The following NEK5 variants were observed in gnomAD, a reference collection of about 807,000 sequenced individuals.
NEK5 encodes serine/threonine-protein kinase Nek5.
A neutral mutation model predicts 109.2 loss-of-function variants in NEK5; 88 were observed. That is an observed-to-expected ratio of 0.81 (90% CI 0.68 to 0.96). The LOEUF (loss-of-function observed/expected upper bound fraction) is 0.96. Among genes scored for constraint, NEK5 ranks in the 40% least tolerant of loss-of-function variants. The pLI is 0.00. For synonymous variants in NEK5, 283 were observed against 299.9 expected (o/e 0.94, Z 0.58); for missense variants, 834 against 920.7 (o/e 0.91, Z 1.22).
intron 4 of NEK5, among the ~76,000 whole-genome samples, chr13:52,117,274 A>C (rs1314819699): frequency 1.3e-5 from 2 of 152,144 alleles, no homozygotes; most frequent in Admixed American, 1.3e-4. Context: ...ATGATCAGAG[A>C]TAAGCGATTT....
chr13:52,085,821 C>T (rs1170721382), intron 16 of NEK5, among the ~76,000 whole-genome samples: 1 of 152,226 alleles, frequency 6.6e-6, no homozygotes, highest in Non-Finnish European at 1.5e-5. Flanking sequence ...ATCAGTTCAA[C>T]TGCACTCAGA....
chr13:52,081,726 A>G (rs1440267145), intron 17 of NEK5, among the ~76,000 whole-genome samples: 2 of 152,202 alleles, frequency 1.3e-5, no homozygotes, highest in Admixed American at 1.3e-4. Context: ...ACAAGATTTT[A>G]TTCACCCAAT....
Position 52,104,567 on chromosome 13 carries a change from A to C in NEK5, c.555-15T>G. 1.3e-6 allele frequency: 2 copies of C among 1,574,356 alleles called. No homozygotes were observed. Among genetic ancestry groups the C allele is most frequent in the Non-Finnish European group, 8.7e-7 (1 of 1,144,690 alleles). ...ACCAAATATCCCTAAAGAAGATAAG[A>C]GTTTACATGCCAAGAAAATATCCAT... is the stretch of plus-strand genomic sequence containing the variant. On this transcript the variant is annotated splice_polypyrimidine_tract_variant and intron_variant, in intron 8 of 23. Coordinates refer to ENST00000684899, the MANE Select transcript of NEK5 (RefSeq NM_001365552.1).
At chr13:52,062,596 T>C (rs1452279838) in intron 21 of NEK5, among the ~76,000 whole-genome samples, 5 of 151,954 alleles carry the variant, frequency 3.3e-5, no homozygotes, top group African/African-American at 1.2e-4. Flanking sequence ...AATTTTTCTA[T>C]TTTTAGTAGA....
Position 52,035,657 on chromosome 13 carries a change from C to T in NEK5, c.*1291G>A, listed in dbSNP as rs2140864713. The T allele has an allele frequency of 6.6e-6, 1 of 152,318 alleles. No individual in the cohort carries two copies. Among genetic ancestry groups the T allele is most frequent in the East Asian group, 1.9e-4 (1 of 5,194 alleles). The allele number at this position is 152,318 out of a possible 1,614,324, so 9.4% of individuals were successfully genotyped here. On this transcript the variant is annotated 3_prime_UTR_variant, in exon 24 of 24. Transcript: ENST00000684899. ...TTATTAATTCAGGAAACATTTCTGG[C>T]ACTGTGCTAATAACTATATAAGAAA...
intron 8 of NEK5, 22 bp downstream of exon 8, chr13:52,108,296 A>AGGAAAAAGTT (rs1955692128): frequency 6.9e-7 from 1 of 1,458,888 alleles, no homozygotes; most frequent in African/African-American, 1.4e-5. Flanking sequence ...TGACACTTTC[A>AGGAAAAAGTT]AACTAAGAGT....
intron 12 of NEK5, among the ~76,000 whole-genome samples, chr13:52,094,584 C>A (rs1290197108): frequency 1.3e-5 from 2 of 152,170 alleles, no homozygotes; most frequent in Non-Finnish European, 2.9e-5. Flanking sequence ...GAGATCGAGA[C>A]CACCATGGCT....
chr13:52,101,600 T>A (rs1180961195), intron 11 of NEK5, among the ~76,000 whole-genome samples: 1 of 152,138 alleles, frequency 6.6e-6, no homozygotes, highest in African/African-American at 2.4e-5. Flanking sequence ...ATCATCCATG[T>A]CTATCTGCAA....
At chr13:52,120,214 G>C (rs1180023172) in intron 3 of NEK5, among the ~76,000 whole-genome samples, 1 of 152,068 alleles carries the variant, frequency 6.6e-6, no homozygotes, top group Non-Finnish European at 1.5e-5. Flanking sequence ...CTCAGCTGAA[G>C]GATCCTTCAG....
At chr13:52,123,957 T>C (rs544734787) in intron 3 of NEK5, among the ~76,000 whole-genome samples, 1 of 152,240 alleles carries the variant, frequency 6.6e-6, no homozygotes, top group Admixed American at 6.5e-5. Flanking sequence ...ATAGGAGCTG[T>C]AGTTTTGGAG....
intron 17 of NEK5, among the ~76,000 whole-genome samples, 156 bp downstream of exon 17, chr13:52,083,104 C>T (rs113079999): frequency 0.094 from 14,242 of 151,860 alleles, 707 homozygotes; most frequent in Non-Finnish European, 0.12. Context: ...CAAGATCGCA[C>T]GACTGCACTC....
intron 14 of NEK5, among the ~76,000 whole-genome samples, chr13:52,087,923 CCTTT>C (rs1250112534): frequency 4.8e-5 from 7 of 144,642 alleles, no homozygotes; most frequent in African/African-American, 1.3e-4. Context: ...TCAAGCCCAG[CCTTT>C]CTTTTTTTTT....
rs1291880669 is a variant in NEK5, at chr13:52,035,437, T to C, written c.*1511A>G. ...TTTTACTTTTATTATAAAGCAGATATTTCAGGCAGAATTCTACCACCCTGA... is the reference window on the plus strand; with the variant it reads ...TTTTACTTTTATTATAAAGCAGATACTTCAGGCAGAATTCTACCACCCTGA... On this transcript the variant is annotated 3_prime_UTR_variant, in exon 24 of 24. Transcript: ENST00000684899. 1 of 152,208 alleles carries C rather than the reference T, an allele frequency of 6.6e-6. No homozygotes were observed. Among genetic ancestry groups the C allele is most frequent in the African/African-American group, 2.4e-5 (1 of 41,456 alleles). The allele number at this position is 152,208 out of a possible 1,614,324, so 9.4% of individuals were successfully genotyped here. A position where few individuals can be genotyped will look rare whatever the true frequency, so the allele number is the denominator to read the frequency against.
At chr13:52,068,170 G>A (rs1231766668) in intron 20 of NEK5, among the ~76,000 whole-genome samples, 1 of 151,910 alleles carries the variant, frequency 6.6e-6, no homozygotes, top group Non-Finnish European at 1.5e-5. Context: ...AACCCTCTTG[G>A]GTCCCCTCTC....
At chr13:52,037,306 C>T (rs1407614160) in intron 23 of NEK5, 88 bp from the exon 24 acceptor site, 4 of 546,204 alleles carry the variant, frequency 7.3e-6, no homozygotes, top group Non-Finnish European at 9.3e-6. Context: ...TCTCCATCCC[C>T]AGTTGAGCAA....
chr13:52,035,301 C>T lies in NEK5; in HGVS notation c.*1647G>A, dbSNP rs1470072675. 4 of 152,168 alleles carry T rather than the reference C, an allele frequency of 2.6e-5. No homozygotes were observed. Among genetic ancestry groups the T allele is most frequent in the Non-Finnish European group, 5.9e-5 (4 of 68,034 alleles). The allele number at this position is 152,168 out of a possible 1,614,324, so 9.4% of individuals were successfully genotyped here. On this transcript the variant is annotated 3_prime_UTR_variant, in exon 24 of 24. Coordinates refer to ENST00000684899, the MANE Select transcript of NEK5 (RefSeq NM_001365552.1). The stretch of plus-strand genomic sequence containing the variant: ...GGTGACTCCTAAGACTTGCATTCTC[C>T]ACATTTAATGAAAATTATATGAAAT...
intron 22 of NEK5, among the ~76,000 whole-genome samples, chr13:52,054,682 G>A (rs898457345): frequency 6.6e-6 from 1 of 151,128 alleles, no homozygotes; most frequent in Non-Finnish European, 1.5e-5. Context: ...CCCCCCAGCA[G>A]GGGCAGACTG....
chr13:52,049,302 T>C (rs1055765322), intron 23 of NEK5, among the ~76,000 whole-genome samples: 1 of 152,028 alleles, frequency 6.6e-6, no homozygotes, highest in African/African-American at 2.4e-5. Flanking sequence ...CATGTGCCTG[T>C]GGTCCCAGCT....
chr13:52,090,304 C>T (rs559309038), intron 13 of NEK5, among the ~76,000 whole-genome samples: 2 of 152,074 alleles, frequency 1.3e-5, no homozygotes, highest in Admixed American at 6.6e-5. Flanking sequence ...TTTTGGAATA[C>T]GAGTAACTTC....
Sources: allele counts gnomAD v4.1 joint callset (sites outside exome capture counted in the v4.1 genomes callset), GRCh38; gene constraint gnomAD v4.1.1; transcripts MANE v1.5; gene names NCBI Gene and HGNC (gene_info 2026-07-23, HGNC 2026-07-21).